PPIL2: variants seen among roughly 807,000 people sequenced by gnomAD.
The protein encoded by PPIL2 is peptidylprolyl isomerase like 2.
Under a neutral mutation model 75.2 loss-of-function variants are expected in PPIL2, and 50 were observed. The observed-to-expected ratio is 0.66, with a 90% confidence interval of 0.53 to 0.84. The LOEUF (loss-of-function observed/expected upper bound fraction) is 0.84. PPIL2 is among the 40% of genes least tolerant of loss of function. The pLI, the probability that PPIL2 is intolerant of heterozygous loss-of-function variation, is 0.00. For synonymous variants in PPIL2, 245 were observed against 258.8 expected, an observed-to-expected ratio of 0.95 and a Z score of 0.51; for missense variants, 590 against 685.0, an observed-to-expected ratio of 0.86 and a Z score of 1.55.
In PPIL2 at chr22:21,688,225, C is replaced by T. The variant is rs564738303; in HGVS notation, c.1021+119C>T. ...TGGAATCTGCTAGACCAGGGTGGAA[C>T]GACTGGCAGCCATCAGTGCTGTGCC... is the stretch of plus-strand genomic sequence containing the variant. On this transcript the variant is annotated intron_variant, in intron 14 of 19. Transcript: ENST00000398831. 438 of 1,308,432 alleles carry T rather than the reference C, an allele frequency of 3.3e-4. 2 individuals are homozygous for T. The highest frequency in any genetic ancestry group is 5.3e-5 in the Non-Finnish European group (49 of 924,742). 81.1% of individuals were successfully genotyped at this position (1,308,432 alleles called of 1,614,324 possible).
At chr22:21,687,341 G>A (rs1890096238) in intron 12 of PPIL2, among the ~76,000 whole-genome samples, 1 of 152,100 alleles carries the variant, frequency 6.6e-6, no homozygotes, top group African/African-American at 2.4e-5. Context: ...AGCTGACTCT[G>A]CTACATGTTA....
intron 10 of PPIL2, chr22:21,685,738 T>G: frequency 2.4e-6 from 1 of 420,766 alleles, no homozygotes; most frequent in South Asian, 1.7e-5. Context: ...TGTGAGCCAC[T>G]GTGCCTGGCT....
chr22:21,688,967 CGGCA>C, intron 15 of PPIL2, 118 bp downstream of exon 15: 10 of 990,534 alleles, frequency 1.0e-5, no homozygotes, highest in Non-Finnish European at 1.5e-5. Flanking sequence ...AGACGGTGTA[CGGCA>C]CACCTAGGCC....
intron 11 of PPIL2, 60 bp from the exon 12 acceptor site, chr22:21,686,832 T>G: frequency 6.6e-7 from 1 of 1,515,490 alleles, no homozygotes; most frequent in South Asian, 1.1e-5. Flanking sequence ...CGGTGCTGCC[T>G]GGCATGGTGG....
intron 1 of PPIL2, 141 bp downstream of exon 1, chr22:21,666,272 C>A (rs2066371853): frequency 9.7e-7 from 1 of 1,028,506 alleles, no homozygotes; most frequent in Non-Finnish European, 1.4e-6. Flanking sequence ...AGCTGCCGCC[C>A]TGTCTCCAGT....
At chr22:21,689,870 T>A (rs957055864) in intron 15 of PPIL2, among the ~76,000 whole-genome samples, 3 of 152,192 alleles carry the variant, frequency 2.0e-5, no homozygotes, top group Non-Finnish European at 4.4e-5. Flanking sequence ...TCCCGGGATT[T>A]GTGGATGTGG....
At position 21,697,356 on chromosome 22, in the gene PPIL2, T is replaced by C. The variant is rs895293976; in HGVS notation, c.*1866T>C. 1 of 259,202 alleles carries C rather than the reference T, an allele frequency of 3.9e-6. No individual in the cohort carries two copies. Among genetic ancestry groups the C allele is most frequent in the African/African-American group, 2.2e-5 (1 of 45,158 alleles). The allele number at this position is 259,202 out of a possible 1,614,324, so 16.1% of individuals were successfully genotyped here. A position where few individuals can be genotyped will look rare whatever the true frequency, so the allele number is the denominator to read the frequency against. ...GACAGACACCCTGGCTGGCCCTGAC[T>C]GACTGTATTCTCTGGCCACATTCAA... On this transcript the variant is annotated 3_prime_UTR_variant, in exon 20 of 20. Transcript: ENST00000398831.
intron 9 of PPIL2, among the ~76,000 whole-genome samples, chr22:21,684,470 A>G (rs1161310616): frequency 1.3e-4 from 19 of 147,748 alleles, no homozygotes; most frequent in Admixed American, 6.0e-4. Context: ...AAAAAAAAAA[A>G]AAAAAGAAAA....
At chr22:21,671,376 C>T (rs534568716) in intron 4 of PPIL2, among the ~76,000 whole-genome samples, 4 of 152,338 alleles carry the variant, frequency 2.6e-5, no homozygotes, top group Non-Finnish European at 4.4e-5. Flanking sequence ...ACCACAGTCC[C>T]ACTATCCAAG....
At chr22:21,670,046 A>G in intron 2 of PPIL2, 84 bp downstream of exon 2, 2 of 1,380,828 alleles carry the variant, frequency 1.4e-6, no homozygotes, top group African/African-American at 1.4e-5. Flanking sequence ...CTGTAAAAAT[A>G]GACAACAAGA....
intron 8 of PPIL2, among the ~76,000 whole-genome samples, 171 bp from the exon 9 acceptor site, chr22:21,683,011 G>C: frequency 6.6e-6 from 1 of 152,162 alleles, no homozygotes; most frequent in East Asian, 1.9e-4. Context: ...CCTGTTTGCT[G>C]CCCTGCCTGG....
intron 9 of PPIL2, among the ~76,000 whole-genome samples, chr22:21,684,454 C>CAAAAAAA (rs1028354500): frequency 4.2e-5 from 2 of 47,530 alleles, no homozygotes; most frequent in Non-Finnish European, 7.3e-5. Context: ...TCCATCTCCA[C>CAAAAAAA]AAAAAAAAAA....
At position 21,683,209 on chromosome 22, in the gene PPIL2, G is replaced by A. The variant is rs140459183; in HGVS notation, c.505G>A (p.Val169Ile). The A allele has an allele frequency of 6.2e-7, 1 of 1,613,788 alleles. No individual in the cohort carries two copies. Among genetic ancestry groups the A allele is most frequent in the Admixed American group, 1.7e-5 (1 of 60,026 alleles). ...CCCCACCAATTTGGACAAGTTCAAT[G>A]TCTCTAACTTCTATCATGTGAAGAA... ...QDPTNLDKFNVSNFYHVKNNM... is the reference protein window; with the variant it reads ...QDPTNLDKFNISNFYHVKNNM... Residue 169 changes from valine to isoleucine, a missense_variant, in exon 9 of 20, where the codon GTC (valine) becomes ATC (isoleucine). By Grantham distance (29) the Val-to-Ile change is conservative (BLOSUM62 3). Transcript: ENST00000398831.
At chr22:21,699,917 C>T (rs558481457), downstream of PPIL2, 1 of 152,554 alleles carries the variant, frequency 6.6e-6, no homozygotes, top group East Asian at 1.9e-4. Context: ...AGTAAGGGCA[C>T]CTCTGCGGGC....
Position 21,696,672 on chromosome 22 carries a change from C to A in PPIL2, c.*1182C>A, listed in dbSNP as rs1359898995. ...CTCAGGCCACCCCCCACTTCTAGTT[C>A]TTCACACTAAGCCCTAACTTAGGCC... On this transcript the variant is annotated 3_prime_UTR_variant, in exon 20 of 20. Coordinates refer to ENST00000398831, the MANE Select transcript of PPIL2 (RefSeq NM_014337.4). 3.9e-6 allele frequency: 6 copies of A among 1,532,046 alleles called. No individual in the cohort carries two copies. In the Admixed American group the frequency reaches 7.9e-5, roughly 20 times the overall value. The allele number at this position is 1,532,046 out of a possible 1,614,324, so 94.9% of individuals were successfully genotyped here.
chr22:21,684,678 G>T (rs1452778177), intron 9 of PPIL2, 75 bp from the exon 10 acceptor site: 1 of 1,559,788 alleles, frequency 6.4e-7, no homozygotes, highest in Non-Finnish European at 8.7e-7. Flanking sequence ...GGCTATTCTA[G>T]ATCTGTGTCC....
intron 5 of PPIL2, among the ~76,000 whole-genome samples, chr22:21,673,977 C>T (rs1037992425): frequency 1.7e-4 from 26 of 152,164 alleles, no homozygotes; most frequent in Admixed American, 1.3e-4. Flanking sequence ...AAGGAAGGAA[C>T]GAAGGTGGTT....
At chr22:21,693,299 T>C (rs945494139) in intron 15 of PPIL2, among the ~76,000 whole-genome samples, 5 of 152,216 alleles carry the variant, frequency 3.3e-5, no homozygotes, top group African/African-American at 1.2e-4. Context: ...CTACCTGCCT[T>C]GGCCTCCCAA....
At chr22:21,680,613 A>G (rs1423964078) in intron 6 of PPIL2, among the ~76,000 whole-genome samples, 3 of 152,012 alleles carry the variant, frequency 2.0e-5, no homozygotes, top group Non-Finnish European at 4.4e-5. Context: ...GCAGATCATT[A>G]GGTCAGGAGA....
Sources: gnomAD v4.1 joint callset for allele counts (sites outside exome capture counted in the v4.1 genomes callset) on GRCh38, gnomAD v4.1.1 for gene constraint, MANE v1.5 for transcripts, NCBI Gene and HGNC (gene_info 2026-07-23, HGNC 2026-07-21) for gene names.